USP6: variants seen among roughly 807,000 people sequenced by gnomAD.
The protein encoded by USP6 is ubiquitin specific peptidase 6.
In USP6, 128 loss-of-function variants were observed where a neutral mutation model predicts 175.7. The observed-to-expected ratio is 0.73, with a 90% CI of 0.63 to 0.84. USP6 has a LOEUF of 0.84. Among genes scored for constraint, USP6 ranks in the 40% least tolerant of loss-of-function variants. The pLI is 0.00. For synonymous variants in USP6, 562 were observed against 630.6 expected, an observed-to-expected ratio of 0.89 and a Z score of 1.63; for missense variants, 1,498 against 1,760.3, an observed-to-expected ratio of 0.85 and a Z score of 2.67.
intron 26 of USP6, 72 bp downstream of exon 26, chr17:5,144,935 T>C: frequency 6.7e-7 from 1 of 1,484,538 alleles, no homozygotes; most frequent in South Asian, 1.5e-5. Context: ...GTAGCACAAC[T>C]TAAATGCAAA....
Position 5,173,114 on chromosome 17 carries a change from A to G in USP6, c.*136A>G. On this transcript the variant is annotated 3_prime_UTR_variant, in exon 38 of 38. Transcript: ENST00000574788. ...TGTTAGAACAAAAATTCTAATTAAA[A>G]TAGTTAACTTGAAGAGTAGAAACAA... The G allele has an allele frequency of 9.7e-6, 11 of 1,129,158 alleles. No homozygotes were observed. In the South Asian group the frequency reaches 1.7e-4, roughly 17 times the overall value. 69.9% of individuals were successfully genotyped at this position (1,129,158 alleles called of 1,614,324 possible).
At position 5,121,452 on chromosome 17, in the gene USP6, A is replaced by C; in HGVS notation, c.-1597A>C. 3.5e-6 allele frequency: 1 copy of C among 283,838 alleles called. No homozygotes were observed. The highest frequency in any genetic ancestry group is 3.8e-5 in the South Asian group (1 of 26,602). The allele number at this position is 283,838 out of a possible 1,614,324, so 17.6% of individuals were successfully genotyped here. A position where few individuals can be genotyped will look rare whatever the true frequency, so the allele number is the denominator to read the frequency against. ...GCAGGATAGAGATATGGAGCTCTAC[A>C]TCTCTGTGCAGAACCTGAGCCATCC... is the stretch of plus-strand genomic sequence containing the variant. On this transcript the variant is annotated 5_prime_UTR_variant, in exon 4 of 38. Transcript: ENST00000574788.
intron 28 of USP6, 38 bp downstream of exon 28, chr17:5,146,212 C>A: frequency 1.3e-6 from 2 of 1,527,764 alleles, no homozygotes; most frequent in Non-Finnish European, 1.8e-6. Context: ...TGATTCTATC[C>A]TTCAAAGATG....
rs767116990 is a variant in USP6 at position 5,163,021 on chromosome 17, A to G, written c.3036+17A>G. The stretch of plus-strand genomic sequence containing the variant: ...CAGGAAAGGGTAAGAATTTAGGGCC[A>G]CCGTAAAATGGTGGTTTTTATATGG... On this transcript the variant is annotated intron_variant, in intron 33 of 37. Coordinates refer to ENST00000574788, the MANE Select transcript of USP6 (RefSeq NM_001304284.2). 1.8e-5 allele frequency: 28 copies of G among 1,529,782 alleles called. No homozygotes were observed. The highest frequency in any genetic ancestry group is 2.4e-5 in the East Asian group (1 of 41,056). 94.8% of individuals were successfully genotyped at this position (1,529,782 alleles called of 1,614,324 possible). A position where few individuals can be genotyped will look rare whatever the true frequency, so the allele number is the denominator to read the frequency against.
intron 35 of USP6, among the ~76,000 whole-genome samples, chr17:5,169,985 G>T (rs1261554023): frequency 2.0e-5 from 3 of 152,172 alleles, no homozygotes; most frequent in Non-Finnish European, 4.4e-5. Flanking sequence ...GGTATAAAAG[G>T]GGGTAGGGGT....
chr17:5,138,069 C>T (rs2073314868), intron 20 of USP6, 52 bp from the exon 21 acceptor site: 1 of 1,613,168 alleles, frequency 6.2e-7, no homozygotes, highest in African/African-American at 1.3e-5. Context: ...AGGGTATGAG[C>T]TGTGACCATT....
chr17:5,171,538 CA>C (rs751070230), intron 36 of USP6, 48 bp from the exon 37 acceptor site: 10 of 1,576,010 alleles, frequency 6.3e-6, no homozygotes, highest in Non-Finnish European at 8.7e-6. Context: ...ATACCCTGGC[CA>C]TAGTACAGTT....
At position 5,161,514 on chromosome 17, in the gene USP6, C is replaced by A. The variant is rs552502351; in HGVS notation, c.2829-14C>A. 6 of 1,611,786 alleles carry A rather than the reference C, an allele frequency of 3.7e-6. No homozygotes were observed. The highest frequency in any genetic ancestry group is 3.4e-5 in the Admixed American group (2 of 59,698). On this transcript the variant is annotated splice_polypyrimidine_tract_variant and intron_variant, in intron 31 of 37. Transcript: ENST00000574788. ...AAATGCTTCTTACACTCTTTTTGTT[C>A]TCTTCTGTTTCAGTGATAACTGTAT...
chr17:5,149,234 C>T (rs983152123), intron 30 of USP6, among the ~76,000 whole-genome samples: 1 of 152,114 alleles, frequency 6.6e-6, no homozygotes, highest in African/African-American at 2.4e-5. Flanking sequence ...GAAATCCCAT[C>T]TCTACTAAAA....
rs748594880 is a variant in USP6 at position 5,139,242 on chromosome 17, G to C, written c.1079-13G>C. The C allele has an allele frequency of 1.3e-6, 2 of 1,599,698 alleles. No individual in the cohort carries two copies. The highest frequency in any genetic ancestry group is 1.7e-6 in the Non-Finnish European group (2 of 1,179,964). ...CTCACTGGAGATGCTGACCACGTCT[G>C]TTTTCCTTTCAGCCAAACGCGAGCA... On this transcript the variant is annotated splice_polypyrimidine_tract_variant and intron_variant, in intron 21 of 37. Transcript: ENST00000574788.
rs923174241 is a variant in USP6, at chr17:5,135,900, G to A, written c.636G>A (p.Leu212=). The change falls in exon 17 of 38, where the codon CTG becomes CTA. Residue 212 remains leucine, a synonymous_variant. Transcript: ENST00000574788. The part of the protein sequence containing the change: ...EEDAFWALVQ[L]LASERHSLPG... Reference sequence around the variant, plus strand: ...ACGCATTCTGGGCACTGGTGCAGCTGCTGGCCAGTGAGAGGCACTCCCTGC... The same window carrying A: ...ACGCATTCTGGGCACTGGTGCAGCTACTGGCCAGTGAGAGGCACTCCCTGC... The A allele has an allele frequency of 4.4e-6, 7 of 1,598,954 alleles. No homozygotes were observed. Among genetic ancestry groups the A allele is most frequent in the Admixed American group, 1.7e-5 (1 of 60,016 alleles).
At chr17:5,133,765 A>G in intron 14 of USP6, 122 bp from the exon 15 acceptor site, 3 of 1,258,880 alleles carry the variant, frequency 2.4e-6, no homozygotes, top group Non-Finnish European at 3.5e-6. Context: ...AGCTTTCTGC[A>G]GAAGGAAACC....
intron 31 of USP6, among the ~76,000 whole-genome samples, chr17:5,156,301 T>C (rs2073882557): frequency 6.6e-6 from 1 of 151,996 alleles, no homozygotes; most frequent in South Asian, 2.1e-4. Flanking sequence ...TCATTTTCTT[T>C]TCTTTTTTTT....
chr17:5,159,508 G>C (rs1243165153), intron 31 of USP6, among the ~76,000 whole-genome samples: 1 of 152,190 alleles, frequency 6.6e-6, no homozygotes, highest in East Asian at 1.9e-4. Flanking sequence ...AAGAAGATAT[G>C]TACCTTCCAA....
Position 5,163,926 on chromosome 17 carries a change from A to G in USP6, c.3036+922A>G, listed in dbSNP as rs149515213. Reference sequence around the variant, plus strand: ...TCTATTGTCGCTGTCTGGCCAGAGCAATTTTTAAATTTTGAAAATGTTGCT... The same window carrying G: ...TCTATTGTCGCTGTCTGGCCAGAGCGATTTTTAAATTTTGAAAATGTTGCT... On this transcript the variant is annotated intron_variant, in intron 33 of 37. Coordinates refer to ENST00000574788, the MANE Select transcript of USP6 (RefSeq NM_001304284.2). Among the ~76,000 whole-genome samples the G allele has an allele frequency of 7.4e-3, 1,123 of 152,348 alleles. 21 individuals are homozygous for G. Among genetic ancestry groups the G allele is most frequent in the African/African-American group, 0.025 (1,038 of 41,562 alleles).
chr17:5,155,423 T>C lies in USP6; in HGVS notation c.2645T>C (p.Met882Thr). The C allele has an allele frequency of 6.2e-7, 1 of 1,613,476 alleles. No homozygotes were observed. Among genetic ancestry groups the C allele is most frequent in the Non-Finnish European group, 8.5e-7 (1 of 1,179,622 alleles). Residue 882 changes from methionine to threonine, a missense_variant and splice_region_variant, in exon 31 of 38, where the codon ATG (methionine) becomes ACG (threonine). Transcript: ENST00000574788. ...GYIIAVHRKM[M>T]RTELYFLSPQ... is the part of the protein sequence containing the mutation. ...CTCTATTCTCGTTTGTACATACAGA[T>C]GAGGACAGAACTGTATTTCCTGTCA...
Position 5,170,933 on chromosome 17 carries a change from C to T in USP6, c.3954+18C>T, listed in dbSNP as rs750621284. ...CAATTTCAGTAAGTGGTTTATTATA[C>T]GGTTTTCAGAGAGTGGTCTGTGTTT... is the stretch of plus-strand genomic sequence containing the variant. On this transcript the variant is annotated intron_variant, in intron 36 of 37. Coordinates refer to ENST00000574788, the MANE Select transcript of USP6 (RefSeq NM_001304284.2). The T allele has an allele frequency of 3.1e-5, 50 of 1,606,630 alleles. No homozygotes were observed. Among genetic ancestry groups the T allele is most frequent in the Middle Eastern group, 2.3e-4 (1 of 4,438 alleles).
At chr17:5,158,692 A>G (rs2073947694) in intron 31 of USP6, among the ~76,000 whole-genome samples, 1 of 146,780 alleles carries the variant, frequency 6.8e-6, no homozygotes, top group Admixed American at 7.0e-5. Context: ...AGCAGCCCGT[A>G]ATGTAAGAAG....
At chr17:5,121,251 G>A in intron 3 of USP6, 124 bp from the exon 4 acceptor site, 2 of 371,264 alleles carry the variant, frequency 5.4e-6, no homozygotes, top group South Asian at 4.1e-5. Context: ...GAGGGTCTTT[G>A]TGTGCAGGTG....
Sources: gnomAD v4.1 joint callset for allele counts (sites outside exome capture counted in the v4.1 genomes callset) on GRCh38, gnomAD v4.1.1 for gene constraint, MANE v1.5 for transcripts, NCBI Gene and HGNC (gene_info 2026-07-23, HGNC 2026-07-21) for gene names.